DYNC1H1: variants seen among roughly 807,000 people sequenced by gnomAD.
DYNC1H1 encodes dynein cytoplasmic 1 heavy chain 1, also known as cytoplasmic dynein 1 heavy chain 1.
In DYNC1H1, 51 loss-of-function variants were observed where a neutral mutation model predicts 527.1. The ratio of observed to expected loss-of-function variants is 0.10; its 90% CI spans 0.08 to 0.12. The LOEUF is 0.12. Among genes scored for constraint, DYNC1H1 ranks in the 10% least tolerant of loss-of-function variants. The probability of loss-of-function intolerance (pLI) is 1.00; values close to 1 mark genes in which losing one functional copy is unlikely to be tolerated. For missense variants in DYNC1H1, 2,771 were observed against 5,971.8 expected (o/e 0.46, Z 17.66); for synonymous variants, 2,189 against 2,278.8 (o/e 0.96, Z 1.12).
rs530665556 is a variant in DYNC1H1, at chr14:102,026,108, CAAAAAAAA to C, written c.8638-456_8638-449del. 8.3e-5 allele frequency among the ~76,000 whole-genome samples: 6 copies of C among 71,978 alleles called. No homozygotes were observed. In the East Asian group the frequency reaches 2.2e-3, roughly 26 times the overall value. 47.2% of individuals were successfully genotyped at this position (71,978 alleles called of 152,430 possible). On this transcript the variant is annotated intron_variant, in intron 43 of 77. Coordinates refer to ENST00000360184, the MANE Select transcript of DYNC1H1 (RefSeq NM_001376.5). ...CCAGCCTGGTGACAGAGCGAGGCTA[CAAAAAAAA>C]AAAAAAAAATAGGGCAGGCCCTCAC...
At position 101,985,854 on chromosome 14, in the gene DYNC1H1, G is replaced by A. The variant is rs754292695; in HGVS notation, c.1629G>A (p.Thr543=). The A allele has an allele frequency of 7.4e-6, 12 of 1,614,060 alleles. No individual in the cohort carries two copies. In the East Asian group the frequency reaches 1.1e-4, roughly 15 times the overall value. Residue 543 remains threonine (T), a synonymous_variant, in exon 8 of 78, where the codon ACG becomes ACA. Transcript: ENST00000360184. This position sits in a 1 kb window ranked among gnomAD's most constrained non-coding sequence, Gnocchi z 5.9. The stretch of plus-strand genomic sequence containing the variant: ...GACTGGATGTTTCCAAAGAGGGCAC[G>A]GAAGCCTGGGAGGCTGCTATGAAGA... ...VDGLDVSKEG[T]EAWEAAMKRY...
intron 15 of DYNC1H1, among the ~76,000 whole-genome samples, chr14:101,995,950 G>C (rs1171417084): frequency 6.6e-6 from 1 of 151,848 alleles, no homozygotes; most frequent in Non-Finnish European, 1.5e-5. Flanking sequence ...TGTAGTCCCA[G>C]CTACTCGGGA....
At chr14:101,984,401 A>ATG (rs34162363) in intron 7 of DYNC1H1, among the ~76,000 whole-genome samples, 6,226 of 102,022 alleles carry the variant, frequency 0.061, 325 homozygotes, top group East Asian at 0.17. Context: ...ATGCGTATAT[A>ATG]TGTGTGTGTG....
chr14:102,044,413 C>T lies in DYNC1H1; in HGVS notation c.12824C>T (p.Thr4275Ile), dbSNP rs975959267. The change falls in exon 71 of 78, where the codon ACC (threonine) becomes ATC (isoleucine). Residue 4275 changes from threonine to isoleucine, a missense_variant. Thr to Ile is a moderately conservative substitution (Grantham distance 89). This residue lies in a region of DYNC1H1 where 195 missense variants were observed against 428.6 expected (regional missense o/e 0.45). Transcript: ENST00000360184. This position sits in a 1 kb window ranked among gnomAD's most constrained non-coding sequence, Gnocchi z 7.1. ...ACCTTCCTGGAGCGCCTGTTCACAA[C>T]CAGGAGTTTCGACAGTGAGTTTAAG... ...LNTFLERLFT[T>I]RSFDSEFKLA... 3 of 1,614,162 alleles carry T rather than the reference C, an allele frequency of 1.9e-6. No individual in the cohort carries two copies. The South Asian group carries it at 3.3e-5, about 18-fold the overall frequency.
rs2048147204 is a variant in DYNC1H1 at position 102,002,825 on chromosome 14, A to G, written c.4743A>G (p.Lys1581=). The G allele has an allele frequency of 1.9e-6, 3 of 1,614,254 alleles. No individual in the cohort carries two copies. The highest frequency in any genetic ancestry group is 2.2e-5 in the East Asian group (1 of 44,894). The part of the protein sequence containing the change: ...ISTEFLALMK[K]VSKSPLVMDV... ...CTGAGTTTTTGGCTCTAATGAAAAA[A>G]GTGTCCAAGTCTCCCCTTGTTATGG... The change falls in exon 23 of 78, where the codon AAA becomes AAG. Residue 1581 remains lysine, a synonymous_variant. Coordinates refer to ENST00000360184, the MANE Select transcript of DYNC1H1 (RefSeq NM_001376.5). The surrounding 1 kb of genome is among the most constrained non-coding windows in gnomAD (Gnocchi z 4.4).
In DYNC1H1 at chr14:102,002,319, CA is replaced by C. The variant is rs1258289180; in HGVS notation, c.4543-217del. 1.3e-5 allele frequency among the ~76,000 whole-genome samples: 2 copies of C among 152,126 alleles called. No individual in the cohort carries two copies. Among genetic ancestry groups the C allele is most frequent in the Non-Finnish European group, 2.9e-5 (2 of 68,040 alleles). ...TGAGACAGGGTTTCACCATGTTTGC[CA>C]GGCTGGTCTCAAACTTCTGACTTCA... On this transcript the variant is annotated intron_variant, in intron 21 of 77. Transcript: ENST00000360184. This position sits in a 1 kb window ranked among gnomAD's most constrained non-coding sequence, Gnocchi z 4.4.
rs1440016265 is a variant in DYNC1H1, at chr14:102,049,656, AACACAG to A, written c.13516-57_13516-52del. ...TGGGGTGGGAGTGGCTCTGGGGAAA[AACACAG>A]GGCCCAGGTCTGACCTGAGCTCCTT... On this transcript the variant is annotated intron_variant, in intron 75 of 77. Coordinates refer to ENST00000360184, the MANE Select transcript of DYNC1H1 (RefSeq NM_001376.5). The surrounding 1 kb of genome is among the most constrained non-coding windows in gnomAD (Gnocchi z 5.5). 1 of 1,613,228 alleles carries A rather than the reference AACACAG, an allele frequency of 6.2e-7. No individual in the cohort carries two copies. The highest frequency in any genetic ancestry group is 1.3e-5 in the African/African-American group (1 of 74,880).
Position 102,037,063 on chromosome 14 carries a change from C to T in DYNC1H1, c.10908+421C>T, listed in dbSNP as rs2048584259. ...AGTGAGCCGAGATCATGCCACTGCA[C>T]TCCAGCCTGGGAGACAGAAAGAGAC... On this transcript the variant is annotated intron_variant, in intron 57 of 77. Coordinates refer to ENST00000360184, the MANE Select transcript of DYNC1H1 (RefSeq NM_001376.5). 11 of 264,172 alleles carry T rather than the reference C, an allele frequency of 4.2e-5. No individual in the cohort carries two copies. In the South Asian group the frequency reaches 4.5e-4, roughly 11 times the overall value. 16.4% of individuals were successfully genotyped at this position (264,172 alleles called of 1,614,324 possible).
At chr14:101,970,393 A>G (rs949578409) in intron 1 of DYNC1H1, among the ~76,000 whole-genome samples, 5 of 151,764 alleles carry the variant, frequency 3.3e-5, no homozygotes, top group Admixed American at 3.3e-4. Context: ...CTAAAGCGGG[A>G]AAAAAAGGGA....
In DYNC1H1 at chr14:102,016,440, C is replaced by T. The variant is rs528647293; in HGVS notation, c.7565C>T (p.Thr2522Met). 9 of 1,614,114 alleles carry T rather than the reference C, an allele frequency of 5.6e-6. No homozygotes were observed. The highest frequency in any genetic ancestry group is 6.8e-6 in the Non-Finnish European group (8 of 1,180,034). Residue 2522 changes from threonine to methionine, a missense_variant, in exon 37 of 78, where the codon ACG becomes ATG. This residue lies in a region of DYNC1H1 where 71 missense variants were observed against 143.6 expected (regional missense o/e 0.49). Transcript: ENST00000360184. The surrounding 1 kb of genome is among the most constrained non-coding windows in gnomAD (Gnocchi z 7.3). ...AELGEYIRRI[T>M]TVPLPTAPNI... ...CTGGGTGAATACATCAGAAGAATCA[C>T]GACCGTGCCTCTGCCCACTGCGCCC... is the stretch of plus-strand genomic sequence containing the variant.
chr14:101,997,297 G>T lies in DYNC1H1; in HGVS notation c.3804+23G>T, dbSNP rs184157907. ...ACGGTGAGTCCCGCCAGGTGGGGAC[G>T]CAGGAGACTCCTCACCCAGCAGTGT... On this transcript the variant is annotated intron_variant, in intron 16 of 77. Coordinates refer to ENST00000360184, the MANE Select transcript of DYNC1H1 (RefSeq NM_001376.5). This position sits in a 1 kb window ranked among gnomAD's most constrained non-coding sequence, Gnocchi z 4.8. 6 of 1,613,844 alleles carry T rather than the reference G, an allele frequency of 3.7e-6. No individual in the cohort carries two copies. Among genetic ancestry groups the T allele is most frequent in the Non-Finnish European group, 5.1e-6 (6 of 1,180,016 alleles).
chr14:102,045,787 GA>G lies in DYNC1H1; in HGVS notation c.13006+1090del, dbSNP rs2048709976. Among the ~76,000 whole-genome samples, 3 of 152,160 alleles carry G rather than the reference GA, an allele frequency of 2.0e-5. No individual in the cohort carries two copies. The South Asian group carries it at 6.2e-4, about 32-fold the overall frequency. ...ACTTCAAGTGCTGTGAGCCAGAAGG[GA>G]GCTAAGAAATTCTCTAAGCCAGTGG... On this transcript the variant is annotated intron_variant, in intron 72 of 77. Transcript: ENST00000360184.
intron 64 of DYNC1H1, chr14:102,040,885 G>A (rs2048641292): frequency 1.6e-6 from 1 of 617,832 alleles, no homozygotes; most frequent in African/African-American, 1.8e-5. Flanking sequence ...CTTGAGCCTG[G>A]GAGGTCGAGG....
intron 34 of DYNC1H1, among the ~76,000 whole-genome samples, chr14:102,013,734 C>G (rs547812441): frequency 6.6e-6 from 1 of 152,274 alleles, no homozygotes; most frequent in African/African-American, 2.4e-5. Context: ...GAAGATCCGT[C>G]TGGCTGCCGT....
chr14:101,996,613 T>C (rs917613143), intron 15 of DYNC1H1, among the ~76,000 whole-genome samples: 1 of 152,094 alleles, frequency 6.6e-6, no homozygotes, highest in African/African-American at 2.4e-5. Flanking sequence ...AGAGCACATG[T>C]GTTGATCTTC....
Position 102,042,676 on chromosome 14 carries a change from C to T in DYNC1H1, c.12441C>T (p.Phe4147=), listed in dbSNP as rs146075696. The part of the protein sequence containing the change: ...NLLRAGRIFV[F]EPPPGVKANM... ...TCCGTGCGGGCCGCATCTTTGTGTT[C>T]GAGCCACCGCCAGGGGTGAAGGCCA... Residue 4147 remains phenylalanine, a synonymous_variant, in exon 69 of 78, where the codon TTC becomes TTT. Transcript: ENST00000360184. This position sits in a 1 kb window ranked among gnomAD's most constrained non-coding sequence, Gnocchi z 5.7. The T allele has an allele frequency of 2.9e-5, 46 of 1,614,014 alleles. No individual in the cohort carries two copies. The highest frequency in any genetic ancestry group is 3.3e-4 in the Middle Eastern group (2 of 6,084).
Position 102,047,812 on chromosome 14 carries a change from C to T in DYNC1H1, c.13007-5C>T, listed in dbSNP as rs779572264. 6 of 1,612,878 alleles carry T rather than the reference C, an allele frequency of 3.7e-6. No homozygotes were observed. In the East Asian group the frequency reaches 1.1e-4, roughly 30 times the overall value. On this transcript the variant is annotated splice_polypyrimidine_tract_variant and splice_region_variant and intron_variant, in intron 72 of 77. Coordinates refer to ENST00000360184, the MANE Select transcript of DYNC1H1 (RefSeq NM_001376.5). ...TCCTGCTGCGACTGTGGGACTGTGG[C>T]CCAGGTGTGGACATGATCAGTAAAA...
Position 101,983,080 on chromosome 14 carries a change from G to C in DYNC1H1, c.1023G>C (p.Leu341=), listed in dbSNP as rs751351792. 1.2e-6 allele frequency: 2 copies of C among 1,614,198 alleles called. No homozygotes were observed. The highest frequency in any genetic ancestry group is 2.2e-5 in the South Asian group (2 of 91,082). ...ATCCTCTGATGAAAGATTTCCCTCT[G>C]AATGATTTGCTGTCTGCCACGGAGC... ...DYNPLMKDFP[L]NDLLSATELD... The change falls in exon 6 of 78, where the codon CTG becomes CTC. Residue 341 remains leucine, a synonymous_variant. Transcript: ENST00000360184. The surrounding 1 kb of genome is among the most constrained non-coding windows in gnomAD (Gnocchi z 5.3).
Position 101,979,469 on chromosome 14 carries a change from T to C in DYNC1H1, c.495T>C (p.Ile165=). The C allele has an allele frequency of 6.2e-7, 1 of 1,614,144 alleles. No homozygotes were observed. Among genetic ancestry groups the C allele is most frequent in the Non-Finnish European group, 8.5e-7 (1 of 1,180,038 alleles). ...NAVAPFFKSY[I]RESGKADRDG... ...TGGCTCCTTTTTTTAAGTCCTACAT[T>C]AGAGAGTCTGGCAAGGCAGACAGGT... The change falls in exon 3 of 78, where the codon ATT becomes ATC. Residue 165 remains isoleucine (I), a synonymous_variant. Coordinates refer to ENST00000360184, the MANE Select transcript of DYNC1H1 (RefSeq NM_001376.5). The surrounding 1 kb of genome is among the most constrained non-coding windows in gnomAD (Gnocchi z 4.6).
Sources: allele counts gnomAD v4.1 joint callset (sites outside exome capture counted in the v4.1 genomes callset), GRCh38; gene constraint gnomAD v4.1.1; regional missense constraint gnomAD v4.1.1; non-coding constraint Gnocchi (gnomAD v3.1); transcripts MANE v1.5; gene names NCBI Gene and HGNC (gene_info 2026-07-23, HGNC 2026-07-21).